The following BRWD1 variants were observed in gnomAD, a reference collection of about 807,000 sequenced individuals.
The protein encoded by BRWD1 is bromodomain and WD repeat-containing protein 1.
Under a neutral mutation model 251.2 loss-of-function variants are expected in BRWD1, and 82 were observed. That is an observed-to-expected ratio of 0.33 (90% CI 0.27 to 0.39). The LOEUF (loss-of-function observed/expected upper bound fraction) is 0.39. BRWD1 is among the 10% of genes least tolerant of loss of function. The pLI is 1.00. For missense variants in BRWD1, 2,233 were observed against 2,711.6 expected, an observed-to-expected ratio of 0.82 and a Z score of 3.92; for synonymous variants, 918 against 902.8, an observed-to-expected ratio of 1.02 and a Z score of -0.30.
At chr21:39,272,353 C>T (rs565705461) in intron 13 of BRWD1, among the ~76,000 whole-genome samples, 11 of 150,384 alleles carry the variant, frequency 7.3e-5, no homozygotes, top group Admixed American at 4.0e-4. Context: ...GGTGAAACCC[C>T]GTCTCTACTA....
intron 21 of BRWD1, among the ~76,000 whole-genome samples, chr21:39,247,467 C>T (rs1005428614): frequency 1.3e-5 from 2 of 152,124 alleles, no homozygotes; most frequent in Non-Finnish European, 2.9e-5. Flanking sequence ...TGGTGCATTT[C>T]AAAATTCTGA....
rs200004870 is a variant in BRWD1, at chr21:39,196,179, C to A, written c.*80G>T. 2 of 1,482,166 alleles carry A rather than the reference C, an allele frequency of 1.3e-6. No homozygotes were observed. Among genetic ancestry groups the A allele is most frequent in the Non-Finnish European group, 8.9e-7 (1 of 1,121,516 alleles). 91.8% of individuals were successfully genotyped at this position (1,482,166 alleles called of 1,614,324 possible). The stretch of plus-strand genomic sequence containing the variant: ...TAAATATATTCCCTGAATTGTAAGA[C>A]AAAAAAATAATTTTAACAGCCAGCT... On this transcript the variant is annotated 3_prime_UTR_variant, in exon 41 of 41. Transcript: ENST00000342449.
chr21:39,217,330 A>C (rs1241124721), intron 31 of BRWD1: 1 of 91,048 alleles, frequency 1.1e-5, no homozygotes, highest in Middle Eastern at 4.5e-3. Context: ...TCCTGACCTC[A>C]GGTGATCTAC....
Position 39,269,938 on chromosome 21 carries a change from A to G in BRWD1, c.1491T>C (p.Asp497=). 1 of 1,571,522 alleles carries G rather than the reference A, an allele frequency of 6.4e-7. No homozygotes were observed. The highest frequency in any genetic ancestry group is 8.6e-7 in the Non-Finnish European group (1 of 1,157,378). The part of the protein sequence containing the change: ...AGHDGSIFIW[D]ITKGTKMKHY... The stretch of plus-strand genomic sequence containing the variant: ...GTTTCATCTTGGTACCTTTTGTAAT[A>G]TCCCATATAAATATGCTGCCATCAT... The change falls in exon 15 of 41, where the codon GAT becomes GAC. Residue 497 remains aspartate, a synonymous_variant. Transcript: ENST00000342449.
At chr21:39,277,170 G>C in intron 11 of BRWD1, 81 bp downstream of exon 11, 1 of 853,726 alleles carries the variant, frequency 1.2e-6, no homozygotes, top group South Asian at 2.9e-5. Context: ...AATAAAAGTA[G>C]AGCCAATAAC....
chr21:39,310,708 G>A (rs980941459), intron 4 of BRWD1, among the ~76,000 whole-genome samples: 4 of 151,784 alleles, frequency 2.6e-5, no homozygotes, highest in East Asian at 1.9e-4. Context: ...GTTGCGTTTC[G>A]AGACAGGGTC....
upstream of BRWD1, chr21:39,314,316 C>G (rs960713327): frequency 2.2e-6 from 1 of 455,930 alleles, no homozygotes; most frequent in Non-Finnish European, 4.4e-6. Context: ...GCCAGCAGCC[C>G]GGCAGAAAAT....
chr21:39,218,424 T>G, intron 30 of BRWD1, 81 bp downstream of exon 30: 1 of 1,434,874 alleles, frequency 7.0e-7, no homozygotes, highest in Non-Finnish European at 9.3e-7. Context: ...AACAGAAACC[T>G]CAATTATGCT....
At chr21:39,208,557 T>G (rs2032516808) in intron 36 of BRWD1, among the ~76,000 whole-genome samples, 1 of 152,226 alleles carries the variant, frequency 6.6e-6, no homozygotes, top group South Asian at 2.1e-4. Context: ...TTTACAATTA[T>G]TCAACACATG....
At chr21:39,219,577 G>A (rs1200534388) in intron 29 of BRWD1, 1 of 152,246 alleles carries the variant, frequency 6.6e-6, no homozygotes, top group South Asian at 2.1e-4. Flanking sequence ...CAAGGGCATT[G>A]GGAAGAGCAT....
chr21:39,238,941 A>G (rs894636759), intron 21 of BRWD1, among the ~76,000 whole-genome samples: 2 of 152,064 alleles, frequency 1.3e-5, no homozygotes, highest in African/African-American at 4.8e-5. Context: ...TCCCTGTGAC[A>G]TATTTTGGTA....
At chr21:39,265,877 T>G (rs2034903263) in intron 15 of BRWD1, among the ~76,000 whole-genome samples, 1 of 152,258 alleles carries the variant, frequency 6.6e-6, no homozygotes, top group African/African-American at 2.4e-5. Context: ...GAAAGGATGC[T>G]CTAAGTCTAT....
upstream of BRWD1, chr21:39,314,388 C>T: frequency 2.2e-6 from 1 of 453,942 alleles, no homozygotes; most frequent in Non-Finnish European, 4.4e-6. Context: ...GCAGCTGCGG[C>T]TGACGGCTCG....
chr21:39,202,229 G>A (rs999658515), intron 38 of BRWD1, 96 bp downstream of exon 38: 1 of 832,964 alleles, frequency 1.2e-6, no homozygotes, highest in Non-Finnish European at 1.8e-6. Context: ...CAGTGTCAAG[G>A]CCACATCTTT....
At chr21:39,278,415 CAT>C (rs1247508424) in intron 10 of BRWD1, 2 of 247,850 alleles carry the variant, frequency 8.1e-6, no homozygotes, top group Non-Finnish European at 1.5e-5. Context: ...AACTATCAAA[CAT>C]ACACAGTTTA....
chr21:39,270,791 C>G (rs2146672794), intron 13 of BRWD1, among the ~76,000 whole-genome samples: 1 of 152,204 alleles, frequency 6.6e-6, no homozygotes, highest in Non-Finnish European at 1.5e-5. Context: ...CCATAGAAGA[C>G]AAAAAAATTT....
At chr21:39,263,198 T>C (rs1286643532) in intron 17 of BRWD1, among the ~76,000 whole-genome samples, 1 of 152,216 alleles carries the variant, frequency 6.6e-6, no homozygotes, top group African/African-American at 2.4e-5. Flanking sequence ...AAAAATAACA[T>C]TTGAAATAGC....
chr21:39,206,379 A>G, intron 36 of BRWD1, 105 bp from the exon 37 acceptor site: 1 of 836,242 alleles, frequency 1.2e-6, no homozygotes, highest in Non-Finnish European at 1.8e-6. Flanking sequence ...ATCACTGCTT[A>G]TAGGTAATGG....
intron 35 of BRWD1, among the ~76,000 whole-genome samples, 181 bp downstream of exon 35, chr21:39,210,605 G>A (rs1451616340): frequency 6.6e-6 from 1 of 152,086 alleles, no homozygotes; most frequent in Non-Finnish European, 1.5e-5. Flanking sequence ...GAGCTCACAA[G>A]GGTGTCTATA....
Sources: allele counts gnomAD v4.1 joint callset (sites outside exome capture counted in the v4.1 genomes callset), GRCh38; gene constraint gnomAD v4.1.1; transcripts MANE v1.5; gene names NCBI Gene and HGNC (gene_info 2026-07-23, HGNC 2026-07-21).